MAGI2: variants seen among roughly 807,000 people sequenced by gnomAD.
MAGI2 encodes membrane associated guanylate kinase, WW and PDZ domain containing 2.
Under a neutral mutation model 133.3 loss-of-function variants are expected in MAGI2, and 35 were observed. The ratio of observed to expected loss-of-function variants is 0.26; its 90% confidence interval spans 0.20 to 0.35. The LOEUF (loss-of-function observed/expected upper bound fraction) is 0.35, where lower values mean the gene tolerates loss of function less well. Among genes scored for constraint, MAGI2 ranks in the 10% least tolerant of loss-of-function variants. The probability of loss-of-function intolerance (pLI) is 1.00; values close to 1 mark genes in which losing one functional copy is unlikely to be tolerated. For missense variants in MAGI2, 1,636 were observed against 1,863.4 expected, an observed-to-expected ratio of 0.88 and a Z score of 2.25; for synonymous variants, 729 against 710.6, an observed-to-expected ratio of 1.03 and a Z score of -0.41.
intron 2 of MAGI2, among the ~76,000 whole-genome samples, chr7:78,827,495 T>C (rs1790768799): frequency 6.6e-6 from 1 of 152,142 alleles, no homozygotes; most frequent in African/African-American, 2.4e-5. Flanking sequence ...TAGGCTAGTA[T>C]TGAACTCCTG....
intron 1 of MAGI2, among the ~76,000 whole-genome samples, chr7:79,015,920 G>C (rs1014722167): frequency 6.7e-6 from 1 of 149,258 alleles, no homozygotes; most frequent in Non-Finnish European, 1.5e-5. Flanking sequence ...GGAAGACACA[G>C]ATACTGGGTC....
At chr7:79,241,903 A>G (rs1238223870) in intron 1 of MAGI2, among the ~76,000 whole-genome samples, 1 of 152,174 alleles carries the variant, frequency 6.6e-6, no homozygotes, top group East Asian at 1.9e-4. Flanking sequence ...GACTCAGCTC[A>G]TGCATAAGGA....
At chr7:78,219,110 T>C (rs988691050) in intron 10 of MAGI2, among the ~76,000 whole-genome samples, 2 of 152,216 alleles carry the variant, frequency 1.3e-5, no homozygotes, top group Non-Finnish European at 2.9e-5. Context: ...AGAACGTGCC[T>C]CGTCTACCTT....
intron 9 of MAGI2, among the ~76,000 whole-genome samples, chr7:78,288,494 C>CAGTTCAA (rs1389732337): frequency 1.3e-5 from 2 of 152,156 alleles, no homozygotes; most frequent in Non-Finnish European, 2.9e-5. Context: ...ACGGTAAGGG[C>CAGTTCAA]AGTTCAAAGA....
At chr7:79,161,130 G>A (rs1824310486) in intron 1 of MAGI2, among the ~76,000 whole-genome samples, 1 of 151,912 alleles carries the variant, frequency 6.6e-6, no homozygotes, top group African/African-American at 2.4e-5. Context: ...CTTTACATAA[G>A]GTAGTTGTAA....
intron 1 of MAGI2, among the ~76,000 whole-genome samples, chr7:79,177,902 C>A (rs1360697966): frequency 6.6e-6 from 1 of 151,946 alleles, no homozygotes; most frequent in Non-Finnish European, 1.5e-5. Flanking sequence ...AGCGTGTATG[C>A]GGTTTTACTC....
chr7:79,073,750 G>A lies in MAGI2; in HGVS notation c.302-66544C>T, dbSNP rs571382992. Among the ~76,000 whole-genome samples, 82 of 151,050 alleles carry A rather than the reference G, an allele frequency of 5.4e-4. 1 individual carries two copies. Among genetic ancestry groups the A allele is most frequent in the African/African-American group, 1.9e-3 (77 of 41,154 alleles). On this transcript the variant is annotated intron_variant, in intron 1 of 21. Transcript: ENST00000354212. ...ACCTGCATGATCTGGGCACCCCCCTGCCCCTCCAACCCCATCTTATGCCAT... is the reference window on the plus strand; with the variant it reads ...ACCTGCATGATCTGGGCACCCCCCTACCCCTCCAACCCCATCTTATGCCAT...
At chr7:78,573,334 A>T (rs1801892305) in intron 3 of MAGI2, among the ~76,000 whole-genome samples, 1 of 71,772 alleles carries the variant, frequency 1.4e-5, no homozygotes, top group Non-Finnish European at 2.3e-5. Flanking sequence ...ATATATATAA[A>T]TATATATATA....
intron 9 of MAGI2, among the ~76,000 whole-genome samples, chr7:78,278,533 T>C (rs1562737534): frequency 6.6e-6 from 1 of 152,160 alleles, no homozygotes; most frequent in Admixed American, 6.5e-5. Context: ...ATGGATAGTT[T>C]TATGTGTCAA....
Position 79,453,547 on chromosome 7 carries a change from T to A in MAGI2, c.-227A>T. On this transcript the variant is annotated 5_prime_UTR_variant, in exon 1 of 22. Transcript: ENST00000354212. ...AGGTAGGAGAGCTTGGATGAGGTTG[T>A]GCTGTCCCTTGAATGACACTCAAGG... The A allele has an allele frequency of 7.6e-7, 1 of 1,312,216 alleles. No homozygotes were observed. The highest frequency in any genetic ancestry group is 9.7e-7 in the Non-Finnish European group (1 of 1,033,392). 81.3% of individuals were successfully genotyped at this position (1,312,216 alleles called of 1,614,324 possible).
At chr7:78,027,982 A>T (rs1314846737) in intron 21 of MAGI2, among the ~76,000 whole-genome samples, 1 of 152,234 alleles carries the variant, frequency 6.6e-6, no homozygotes, top group African/African-American at 2.4e-5. Flanking sequence ...TTAGAATATT[A>T]TGGGAAAATA....
rs200453925 is a variant in MAGI2 at position 79,041,638 on chromosome 7, CTAGA to C, written c.302-34436_302-34433del. On this transcript the variant is annotated intron_variant, in intron 1 of 21. Transcript: ENST00000354212. ...GCTACTTTTAAATATGAGGGCATGC[CTAGA>C]TATAGATATTTCATAACAAAAACAA... Among the ~76,000 whole-genome samples the C allele has an allele frequency of 4.3e-3, 647 of 151,902 alleles. 21 individuals carry two copies. Among genetic ancestry groups the C allele is most frequent in the Admixed American group, 0.036 (552 of 15,254 alleles).
intron 3 of MAGI2, among the ~76,000 whole-genome samples, chr7:78,623,994 GT>G (rs1166233932): frequency 6.6e-6 from 1 of 152,040 alleles, no homozygotes; most frequent in Non-Finnish European, 1.5e-5. Flanking sequence ...ACTAGCATCT[GT>G]TGTTTTTTGA....
intron 2 of MAGI2, among the ~76,000 whole-genome samples, chr7:78,670,552 A>T (rs4288307): frequency 0.015 from 2,339 of 152,068 alleles, 71 homozygotes; most frequent in African/African-American, 0.054. Context: ...GACTTTCTTC[A>T]CAGAATTGGA....
At chr7:78,436,787 C>T (rs895144723) in intron 6 of MAGI2, among the ~76,000 whole-genome samples, 2 of 152,176 alleles carry the variant, frequency 1.3e-5, no homozygotes, top group African/African-American at 2.4e-5. Flanking sequence ...TAGCTCCCAG[C>T]CGCATCCCCA....
intron 7 of MAGI2, among the ~76,000 whole-genome samples, chr7:78,361,219 C>A (rs533473979): frequency 6.6e-6 from 1 of 152,064 alleles, no homozygotes; most frequent in Non-Finnish European, 1.5e-5. Flanking sequence ...GATGGTGAAA[C>A]CCCGTTTCTA....
Position 79,311,555 on chromosome 7 carries a change from C to A in MAGI2, c.301+141465G>T, listed in dbSNP as rs186541872. ...TGCTTCTTATCTTCCCATCCCTTTC[C>A]TTCTCCTCCCACCACCTGCCCCTAT... On this transcript the variant is annotated intron_variant, in intron 1 of 21. Coordinates refer to ENST00000354212, the MANE Select transcript of MAGI2 (RefSeq NM_012301.4). Among the ~76,000 whole-genome samples, 6 of 152,038 alleles carry A rather than the reference C, an allele frequency of 3.9e-5. No individual in the cohort carries two copies. In the East Asian group the frequency reaches 5.8e-4, roughly 15 times the overall value.
chr7:79,279,984 G>A (rs1398169265), intron 1 of MAGI2, among the ~76,000 whole-genome samples: 1 of 152,154 alleles, frequency 6.6e-6, no homozygotes, highest in Non-Finnish European at 1.5e-5. Flanking sequence ...CTGTAGTCTG[G>A]AATATAAAGG....
At chr7:78,765,337 G>A (rs1249812550) in intron 2 of MAGI2, among the ~76,000 whole-genome samples, 2 of 123,340 alleles carry the variant, frequency 1.6e-5, no homozygotes, top group Admixed American at 9.8e-5. Flanking sequence ...AATGTTTAGT[G>A]CACATCTTTT....
Sources: gnomAD v4.1 joint callset for allele counts (sites outside exome capture counted in the v4.1 genomes callset) on GRCh38, gnomAD v4.1.1 for gene constraint, MANE v1.5 for transcripts, NCBI Gene and HGNC (gene_info 2026-07-23, HGNC 2026-07-21) for gene names.